The following LPP variants were observed in gnomAD, a reference collection of about 807,000 sequenced individuals.
LPP encodes LIM domain containing preferred translocation partner in lipoma, also known as lipoma-preferred partner.
LPP carries 38 observed loss-of-function variants against 60.4 expected under a neutral mutation model. That is an observed-to-expected ratio of 0.63 (90% CI 0.49 to 0.83). The LOEUF is 0.83. Among genes scored for constraint, LPP ranks in the 40% least tolerant of loss-of-function variants. The probability of loss-of-function intolerance (pLI) is 0.00; values close to 1 mark genes in which losing one functional copy is unlikely to be tolerated. For synonymous variants in LPP, 328 were observed against 290.8 expected (o/e 1.13, Z -1.30); for missense variants, 902 against 783.6 (o/e 1.15, Z -1.80).
At chr3:188,165,500 A>G (rs1719666971) in intron 1 of LPP, among the ~76,000 whole-genome samples, 2 of 152,194 alleles carry the variant, frequency 1.3e-5, no homozygotes, top group Non-Finnish European at 2.9e-5. Context: ...GGTGGACTGC[A>G]TAGTAGAGAG....
chr3:188,423,462 G>A (rs1009969785), intron 4 of LPP, among the ~76,000 whole-genome samples: 1 of 152,220 alleles, frequency 6.6e-6, no homozygotes, highest in African/African-American at 2.4e-5. Context: ...TGTATACCCA[G>A]TAATGGGATC....
At chr3:188,773,919 T>A (rs551546871) in intron 9 of LPP, among the ~76,000 whole-genome samples, 1 of 152,306 alleles carries the variant, frequency 6.6e-6, no homozygotes, top group East Asian at 1.9e-4. Flanking sequence ...TGTCCCAATG[T>A]GTCATTCGGT....
intron 7 of LPP, among the ~76,000 whole-genome samples, chr3:188,687,899 C>T (rs1254684141): frequency 1.3e-5 from 2 of 151,920 alleles, no homozygotes; most frequent in Admixed American, 6.6e-5. Flanking sequence ...CTCAGCCTCC[C>T]GAGTAGCTGG....
intron 4 of LPP, among the ~76,000 whole-genome samples, chr3:188,438,873 A>G (rs770452407): frequency 1.3e-5 from 2 of 152,172 alleles, no homozygotes; most frequent in African/African-American, 2.4e-5. Context: ...CCCATTAAAT[A>G]CCTATTGATT....
intron 3 of LPP, among the ~76,000 whole-genome samples, chr3:188,388,597 C>T (rs1778926710): frequency 1.3e-5 from 2 of 152,030 alleles, no homozygotes; most frequent in South Asian, 2.1e-4. Flanking sequence ...TGCTACATTC[C>T]GAAAAGGAAG....
At chr3:188,482,978 A>G (rs1805257018) in intron 4 of LPP, among the ~76,000 whole-genome samples, 1 of 152,174 alleles carries the variant, frequency 6.6e-6, no homozygotes, top group Admixed American at 6.5e-5. Context: ...CCAGGACCCA[A>G]AAATCTGTAT....
intron 9 of LPP, among the ~76,000 whole-genome samples, chr3:188,828,901 T>C (rs1756393734): frequency 6.6e-6 from 1 of 152,188 alleles, no homozygotes; most frequent in South Asian, 2.1e-4. Context: ...ATAGTGTGAA[T>C]ATATGTATGC....
intron 2 of LPP, among the ~76,000 whole-genome samples, chr3:188,248,879 G>A (rs571764581): frequency 6.6e-6 from 1 of 152,212 alleles, no homozygotes; most frequent in East Asian, 1.9e-4. Context: ...GTTAGATAAA[G>A]CTCATCTTCC....
chr3:188,715,108 G>C (rs556479519), intron 8 of LPP, among the ~76,000 whole-genome samples: 1 of 151,874 alleles, frequency 6.6e-6, no homozygotes, highest in Non-Finnish European at 1.5e-5. Context: ...AAGAACAAGG[G>C]GTGGCTCATG....
chr3:188,701,751 GT>G (rs375941338), intron 7 of LPP, among the ~76,000 whole-genome samples: 8,502 of 144,350 alleles, frequency 0.059, 290 homozygotes, highest in Non-Finnish European at 0.088. Context: ...ATCTGGCTGC[GT>G]TTTTTTTTTT....
At chr3:188,752,030 G>T (rs1728244515) in intron 8 of LPP, among the ~76,000 whole-genome samples, 1 of 152,162 alleles carries the variant, frequency 6.6e-6, no homozygotes, top group Non-Finnish European at 1.5e-5. Flanking sequence ...CAAAGCATGT[G>T]CCTTTCTGTT....
intron 1 of LPP, among the ~76,000 whole-genome samples, chr3:188,218,658 T>C (rs1714599626): frequency 1.3e-5 from 2 of 152,332 alleles, no homozygotes; most frequent in East Asian, 1.9e-4. Context: ...TTGACAAACA[T>C]TTATTGAGTT....
At chr3:188,437,336 CT>C (rs1264485253) in intron 4 of LPP, among the ~76,000 whole-genome samples, 2 of 152,136 alleles carry the variant, frequency 1.3e-5, no homozygotes, top group Non-Finnish European at 2.9e-5. Flanking sequence ...AAAGTTCCTG[CT>C]ATTAGGATAA....
intron 2 of LPP, among the ~76,000 whole-genome samples, chr3:188,305,786 T>A (rs552024848): frequency 1.3e-5 from 2 of 152,342 alleles, no homozygotes; most frequent in Admixed American, 1.3e-4. Context: ...ATGATGCCAG[T>A]AGTGTCATGA....
intron 4 of LPP, among the ~76,000 whole-genome samples, chr3:188,423,125 G>A (rs1319685565): frequency 1.3e-5 from 2 of 151,868 alleles, no homozygotes; most frequent in Non-Finnish European, 2.9e-5. Flanking sequence ...ACAGGACATA[G>A]TGTGTGATGT....
At chr3:188,731,249 A>G (rs1265083410) in intron 8 of LPP, among the ~76,000 whole-genome samples, 2 of 152,100 alleles carry the variant, frequency 1.3e-5, no homozygotes, top group African/African-American at 4.8e-5. Context: ...AAGAGGCCCT[A>G]CCCTTTGCAT....
intron 7 of LPP, among the ~76,000 whole-genome samples, chr3:188,664,173 A>C (rs922987917): frequency 2.6e-5 from 4 of 152,230 alleles, no homozygotes; most frequent in Non-Finnish European, 5.9e-5. Context: ...CCTTGAGCTA[A>C]AAGTGTCCTC....
At chr3:188,796,308 G>C (rs1197152367) in intron 9 of LPP, among the ~76,000 whole-genome samples, 1 of 152,180 alleles carries the variant, frequency 6.6e-6, no homozygotes, top group East Asian at 1.9e-4. Context: ...AGAGCTCAGA[G>C]ACTGAGGGAG....
At chr3:188,304,576 A>T (rs947468113) in intron 2 of LPP, among the ~76,000 whole-genome samples, 1 of 152,158 alleles carries the variant, frequency 6.6e-6, no homozygotes, top group African/African-American at 2.4e-5. Flanking sequence ...GTTATATCTT[A>T]ATATCTTATC....
Sources: gnomAD v4.1 joint callset for allele counts (sites outside exome capture counted in the v4.1 genomes callset) on GRCh38, gnomAD v4.1.1 for gene constraint, MANE v1.5 for transcripts, NCBI Gene and HGNC (gene_info 2026-07-23, HGNC 2026-07-21) for gene names.